The following ESYT1 variants were observed in gnomAD, a reference collection of about 807,000 sequenced individuals.
ESYT1 encodes extended synaptotagmin 1.
In ESYT1, 116 loss-of-function variants were observed where a neutral mutation model predicts 154.2. That is an observed-to-expected ratio of 0.75 (90% CI 0.65 to 0.88). The LOEUF (loss-of-function observed/expected upper bound fraction) is 0.88, where lower values mean the gene tolerates loss of function less well. Among genes scored for constraint, ESYT1 ranks in the 40% least tolerant of loss-of-function variants. The pLI is 0.00. For synonymous variants in ESYT1, 500 were observed against 539.9 expected (o/e 0.93, Z 1.02); for missense variants, 1,264 against 1,379.3 (o/e 0.92, Z 1.32).
chr12:56,139,251 G>A (rs1321512714), intron 24 of ESYT1, among the ~76,000 whole-genome samples: 1 of 151,566 alleles, frequency 6.6e-6, no homozygotes, highest in East Asian at 1.9e-4. Flanking sequence ...TGGGACTACA[G>A]GTGCCCGCCA....
chr12:56,135,577 A>G (rs538265809), intron 15 of ESYT1, among the ~76,000 whole-genome samples: 4 of 152,240 alleles, frequency 2.6e-5, no homozygotes, highest in African/African-American at 9.6e-5. Context: ...ATACACATAT[A>G]AAATCATTCA....
chr12:56,140,810 C>T (rs529373094), intron 24 of ESYT1, among the ~76,000 whole-genome samples: 1 of 152,300 alleles, frequency 6.6e-6, no homozygotes, highest in East Asian at 1.9e-4. Flanking sequence ...AAGCAGGAAA[C>T]GACTAAAGCC....
chr12:56,142,383 C>G lies in ESYT1; in HGVS notation c.2691C>G (p.Leu897=), dbSNP rs1870735878. Residue 897 remains leucine, a synonymous_variant, in exon 25 of 31, where the codon CTC becomes CTG. Coordinates refer to ENST00000394048, the MANE Select transcript of ESYT1 (RefSeq NM_015292.3). The surrounding 1 kb of genome is among the most constrained non-coding windows in gnomAD (Gnocchi z 4.1). Reference sequence around the variant, plus strand: ...TCTGCTTGGACCGCTGGTTTACACTCAGCAGTGGTCAGGGGCAGGTGCTAC... The same window carrying G: ...TCTGCTTGGACCGCTGGTTTACACTGAGCAGTGGTCAGGGGCAGGTGCTAC... ...DQLCLDRWFT[L]SSGQGQVLLR... 1 of 1,613,988 alleles carries G rather than the reference C, an allele frequency of 6.2e-7. No individual in the cohort carries two copies. The highest frequency in any genetic ancestry group is 1.3e-5 in the African/African-American group (1 of 74,898).
chr12:56,131,118 T>C lies in ESYT1; in HGVS notation c.641+5T>C. On this transcript the variant is annotated splice_donor_5th_base_variant and intron_variant, in intron 4 of 30. Coordinates refer to ENST00000394048, the MANE Select transcript of ESYT1 (RefSeq NM_015292.3). ...CCTGCTGGACTTGAACATCAGGTAA[T>C]ACCACTCACCACTCTTACTGCTTCC... The C allele has an allele frequency of 1.9e-6, 3 of 1,614,108 alleles. No individual in the cohort carries two copies. Among genetic ancestry groups the C allele is most frequent in the Non-Finnish European group, 2.5e-6 (3 of 1,180,004 alleles).
At position 56,137,330 on chromosome 12, in the gene ESYT1, C is replaced by G; in HGVS notation, c.1895C>G (p.Pro632Arg). 6.2e-7 allele frequency: 1 copy of G among 1,614,200 alleles called. No individual in the cohort carries two copies. Among genetic ancestry groups the G allele is most frequent in the Non-Finnish European group, 8.5e-7 (1 of 1,180,038 alleles). ...PQRGSSVDAP[P>R]RPCHTTPDSQ... ...AGAGGCAGCAGTGTGGATGCCCCAC[C>G]TCGACCCTGTCACACGACTCCTGAT... is the stretch of plus-strand genomic sequence containing the variant. Residue 632 changes from proline (P) to arginine (R), a missense_variant, in exon 17 of 31, where the codon CCT becomes CGT. By Grantham distance (103) the Pro-to-Arg change is moderately radical. Transcript: ENST00000394048.
chr12:56,136,898 G>C lies in ESYT1; in HGVS notation c.1782+5G>C. On this transcript the variant is annotated splice_donor_5th_base_variant and intron_variant, in intron 16 of 30. Transcript: ENST00000394048. ...TATATGAAACTAGTCATGAGGGTAT[G>C]GAAATAGAGGAGGTACTGAGGTGTG... is the stretch of plus-strand genomic sequence containing the variant. The C allele has an allele frequency of 6.3e-7, 1 of 1,585,816 alleles. No individual in the cohort carries two copies. Among genetic ancestry groups the C allele is most frequent in the Non-Finnish European group, 8.6e-7 (1 of 1,164,686 alleles).
intron 16 of ESYT1, 115 bp downstream of exon 16, chr12:56,137,008 C>A: frequency 7.3e-7 from 1 of 1,374,104 alleles, no homozygotes; most frequent in Non-Finnish European, 9.9e-7. Context: ...TGTAGAAGTG[C>A]CAAGCAGGCA....
At chr12:56,137,777 T>C (rs901334503) in intron 18 of ESYT1, 55 bp from the exon 19 acceptor site, 2 of 1,611,348 alleles carry the variant, frequency 1.2e-6, no homozygotes, top group African/African-American at 2.7e-5. Context: ...GGGGGTCCAG[T>C]CATTTGCAGA....
Position 56,144,029 on chromosome 12 carries a change from A to T in ESYT1, c.*167A>T, listed in dbSNP as rs1015334821. 12 of 1,484,082 alleles carry T rather than the reference A, an allele frequency of 8.1e-6. No individual in the cohort carries two copies. Among genetic ancestry groups the T allele is most frequent in the Non-Finnish European group, 1.1e-5 (12 of 1,122,846 alleles). The allele number at this position is 1,484,082 out of a possible 1,614,324, so 91.9% of individuals were successfully genotyped here. A position where few individuals can be genotyped will look rare whatever the true frequency, so the allele number is the denominator to read the frequency against. On this transcript the variant is annotated 3_prime_UTR_variant, in exon 31 of 31. Transcript: ENST00000394048. ...GGGCCTTTGCCTGACCAAAGAGAAG[A>T]ACCGTATGTTCCCTTTACTGCACGG...
At chr12:56,138,721 G>A (rs1237462266) in intron 22 of ESYT1, 47 bp from the exon 23 acceptor site, 1 of 1,565,102 alleles carries the variant, frequency 6.4e-7, no homozygotes, top group Non-Finnish European at 8.8e-7. Context: ...AGGGGGATCT[G>A]CCTAACTAGG....
In ESYT1 at chr12:56,133,857, G is replaced by A. The variant is rs200340349; in HGVS notation, c.1457G>A (p.Arg486Gln). ...GCCATCTTAGTTGTCTACCTGGATCGGGCCCAGGATCTTCCTGTGAGTTTG... is the reference window on the plus strand; with the variant it reads ...GCCATCTTAGTTGTCTACCTGGATCAGGCCCAGGATCTTCCTGTGAGTTTG... ...SAAILVVYLD[R>Q]AQDLPLKKGN... The change falls in exon 13 of 31, where the codon CGG becomes CAG. Residue 486 changes from arginine to glutamine, a missense_variant. Physicochemically the swap from Arg to Gln is conservative, Grantham distance 43. Coordinates refer to ENST00000394048, the MANE Select transcript of ESYT1 (RefSeq NM_015292.3). 2.1e-4 allele frequency: 343 copies of A among 1,614,084 alleles called. No individual in the cohort carries two copies. The highest frequency in any genetic ancestry group is 2.7e-4 in the Non-Finnish European group (316 of 1,180,026).
chr12:56,132,355 T>C (rs776350268), intron 8 of ESYT1, 23 bp downstream of exon 8: 9 of 1,614,040 alleles, frequency 5.6e-6, no homozygotes, highest in African/African-American at 4.0e-5. Context: ...CCCCACTAGA[T>C]AGATCCTTCT....
At chr12:56,140,079 G>C (rs1030820814) in intron 24 of ESYT1, among the ~76,000 whole-genome samples, 3 of 151,978 alleles carry the variant, frequency 2.0e-5, no homozygotes, top group Admixed American at 2.0e-4. Flanking sequence ...TGTCATCCAG[G>C]CTGGTCTCGA....
Position 56,144,270 on chromosome 12 carries a change from GGGTGGGAA to G in ESYT1, c.*414_*421del. ...GGTCACCTTCTTCCCTACCACACAT[GGGTGGGAA>G]GGTGGACAGGCTAACCTCTCCAGCT... On this transcript the variant is annotated 3_prime_UTR_variant, in exon 31 of 31. Coordinates refer to ENST00000394048, the MANE Select transcript of ESYT1 (RefSeq NM_015292.3). 1 of 1,074,542 alleles carries G rather than the reference GGGTGGGAA, an allele frequency of 9.3e-7. No individual in the cohort carries two copies. The highest frequency in any genetic ancestry group is 3.0e-5 in the South Asian group (1 of 33,828). The allele number at this position is 1,074,542 out of a possible 1,614,324, so 66.6% of individuals were successfully genotyped here.
At chr12:56,134,908 A>G (rs902735068) in intron 15 of ESYT1, among the ~76,000 whole-genome samples, 4 of 151,966 alleles carry the variant, frequency 2.6e-5, no homozygotes, top group Non-Finnish European at 5.9e-5. Flanking sequence ...CTTAGTTCAT[A>G]GGTACTTGTT....
At chr12:56,128,982 C>T (rs1870118731) in intron 1 of ESYT1, 1 of 469,262 alleles carries the variant, frequency 2.1e-6, no homozygotes, top group South Asian at 2.3e-5. Context: ...GTAATAACAT[C>T]TGGGGACCCC....
chr12:56,137,697 C>T (rs369175607), intron 18 of ESYT1, 22 bp downstream of exon 18: 10 of 1,611,200 alleles, frequency 6.2e-6, no homozygotes, highest in Non-Finnish European at 8.5e-6. Context: ...GTGGCTGTGA[C>T]TCCTGGTTCT....
intron 5 of ESYT1, 24 bp downstream of exon 5, chr12:56,131,340 A>G: frequency 6.2e-7 from 1 of 1,613,864 alleles, no homozygotes; most frequent in Non-Finnish European, 8.5e-7. Context: ...CAGGGGCCAC[A>G]TAATAGGGAA....
At chr12:56,129,401 G>A (rs1592243528) in intron 1 of ESYT1, 1 of 154,524 alleles carries the variant, frequency 6.5e-6, no homozygotes, top group East Asian at 1.9e-4. Context: ...GGCTGCGCTT[G>A]TTCCGTTGGG....
Sources: allele counts gnomAD v4.1 joint callset (sites outside exome capture counted in the v4.1 genomes callset), GRCh38; gene constraint gnomAD v4.1.1; non-coding constraint Gnocchi (gnomAD v3.1); transcripts MANE v1.5; gene names NCBI Gene and HGNC (gene_info 2026-07-23, HGNC 2026-07-21).